CYRIB: variants seen among roughly 807,000 people sequenced by gnomAD.
CYRIB encodes CYFIP-related Rac1 interactor B.
CYRIB carries 8 observed loss-of-function variants against 44.2 expected under a neutral mutation model. That is an observed-to-expected ratio of 0.18 (90% CI 0.11 to 0.33). CYRIB has a LOEUF of 0.33. Among genes scored for constraint, CYRIB ranks in the 10% least tolerant of loss-of-function variants. The pLI is 1.00. For missense variants in CYRIB, 185 were observed against 382.8 expected, an observed-to-expected ratio of 0.48 and a Z score of 4.31; for synonymous variants, 131 against 127.2, an observed-to-expected ratio of 1.03 and a Z score of -0.20.
In CYRIB at chr8:129,927,664, G is replaced by A. The variant is rs549972200; in HGVS notation, c.-50+11944C>T. Among the ~76,000 whole-genome samples, 5 of 152,212 alleles carry A rather than the reference G, an allele frequency of 3.3e-5. No individual in the cohort carries two copies. In the South Asian group the frequency reaches 1.0e-3, roughly 32 times the overall value. ...CCAAAACAGCGACTACCTAGGTGGT[G>A]ATTTTTGCTTTTTTCTTTTACTACT... On this transcript the variant is annotated intron_variant, in intron 1 of 11. Transcript: ENST00000519824.
intron 1 of CYRIB, among the ~76,000 whole-genome samples, chr8:129,905,233 T>TGA (rs1268418267): frequency 6.6e-6 from 1 of 151,826 alleles, no homozygotes; most frequent in African/African-American, 2.4e-5. Context: ...ATTGATTGAT[T>TGA]TTGAGATGGA....
At chr8:129,877,396 C>T (rs2059435722) in intron 3 of CYRIB, among the ~76,000 whole-genome samples, 1 of 152,010 alleles carries the variant, frequency 6.6e-6, no homozygotes, top group African/African-American at 2.4e-5. Flanking sequence ...ACCTGTAATC[C>T]CAGCACTTTG....
At chr8:129,924,396 A>G (rs1043616485) in intron 1 of CYRIB, among the ~76,000 whole-genome samples, 2 of 146,820 alleles carry the variant, frequency 1.4e-5, no homozygotes, top group Admixed American at 7.1e-5. Flanking sequence ...AGATCTGCCT[A>G]TCCCAAAGTT....
At chr8:129,856,446 C>T (rs901686750) in intron 5 of CYRIB, among the ~76,000 whole-genome samples, 3 of 151,976 alleles carry the variant, frequency 2.0e-5, no homozygotes, top group Non-Finnish European at 4.4e-5. Context: ...ATACTAAATA[C>T]TAATATTTCA....
chr8:129,925,924 T>C (rs1299679247), intron 1 of CYRIB, among the ~76,000 whole-genome samples: 1 of 152,208 alleles, frequency 6.6e-6, no homozygotes, highest in Non-Finnish European at 1.5e-5. Flanking sequence ...TTAAAAAACG[T>C]TTCCAATTTC....
intron 1 of CYRIB, among the ~76,000 whole-genome samples, chr8:129,973,861 C>T (rs1464157796): frequency 6.6e-6 from 1 of 152,154 alleles, no homozygotes; most frequent in East Asian, 1.9e-4. Context: ...CCAACTCCCT[C>T]CTTTCTCCCA....
intron 2 of CYRIB, among the ~76,000 whole-genome samples, chr8:129,880,960 C>G (rs545925747): frequency 6.6e-5 from 10 of 152,228 alleles, no homozygotes; most frequent in Middle Eastern, 3.4e-3. Context: ...TCTAAAAAAA[C>G]TTTACCACAC....
At chr8:129,928,969 C>T (rs2089694544) in intron 1 of CYRIB, among the ~76,000 whole-genome samples, 1 of 152,172 alleles carries the variant, frequency 6.6e-6, no homozygotes. Context: ...CATATGTCCA[C>T]ACATATCTGC....
chr8:129,947,951 A>C (rs1023266165), intron 2 of CYRIB: 12 of 152,212 alleles, frequency 7.9e-5, no homozygotes, highest in Admixed American at 3.9e-4. Context: ...AGGTTTCTTC[A>C]ATGTCAATAA....
intron 1 of CYRIB, among the ~76,000 whole-genome samples, chr8:129,977,424 A>C (rs994410892): frequency 2.6e-5 from 4 of 152,290 alleles, no homozygotes; most frequent in Admixed American, 2.6e-4. Flanking sequence ...CAAAAATAAT[A>C]ATGATGTGCA....
chr8:129,880,492 A>T, intron 2 of CYRIB: 1 of 970,934 alleles, frequency 1.0e-6, no homozygotes, highest in Non-Finnish European at 1.2e-6. Context: ...ATTTAGTTCC[A>T]GTAAAAAATT....
chr8:129,855,220 G>A (rs1428861163), intron 6 of CYRIB, among the ~76,000 whole-genome samples: 4 of 151,854 alleles, frequency 2.6e-5, no homozygotes, highest in Non-Finnish European at 5.9e-5. Flanking sequence ...GTGAAACCCC[G>A]TCTCTACTAA....
intron 1 of CYRIB, among the ~76,000 whole-genome samples, chr8:129,928,122 C>CAA (rs763086113): frequency 4.6e-4 from 61 of 133,926 alleles, no homozygotes; most frequent in African/African-American, 1.5e-3. Flanking sequence ...TTCTTAACAG[C>CAA]AAAAAAAAAA....
rs923085841 is a variant in CYRIB, at chr8:129,990,528, A to T, written c.-295-19533T>A. 3.8e-4 allele frequency among the ~76,000 whole-genome samples: 56 copies of T among 149,264 alleles called. 1 individual carries two copies. The highest frequency in any genetic ancestry group is 1.0e-3 in the African/African-American group (42 of 40,386). ...TGTGTGTGTGTGTGTGTGTGTATATATTTTTTTTCTTCCCCAAGACAGGGT... is the reference window on the plus strand; with the variant it reads ...TGTGTGTGTGTGTGTGTGTGTATATTTTTTTTTTCTTCCCCAAGACAGGGT... On this transcript the variant is annotated intron_variant, in intron 1 of 14. Coordinates refer to the CYRIB transcript ENST00000401979.
At chr8:129,967,172 G>T (rs1176114903) in intron 2 of CYRIB, among the ~76,000 whole-genome samples, 2 of 152,110 alleles carry the variant, frequency 1.3e-5, no homozygotes, top group Non-Finnish European at 2.9e-5. Context: ...GTGGTGTTCT[G>T]AAGGTGGCTA....
intron 2 of CYRIB, among the ~76,000 whole-genome samples, chr8:129,885,387 A>G (rs1038442512): frequency 1.3e-5 from 2 of 152,206 alleles, no homozygotes; most frequent in Non-Finnish European, 2.9e-5. Flanking sequence ...GTTTAGTGTC[A>G]GTTTTCCTCA....
chr8:129,995,636 T>C (rs1171411132), intron 1 of CYRIB, among the ~76,000 whole-genome samples: 1 of 152,208 alleles, frequency 6.6e-6, no homozygotes, highest in South Asian at 2.1e-4. Context: ...TCACTGGGGA[T>C]GGCAACTGTC....
chr8:129,866,971 A>G (rs906965506), intron 4 of CYRIB, among the ~76,000 whole-genome samples: 1 of 152,262 alleles, frequency 6.6e-6, no homozygotes, highest in Admixed American at 6.5e-5. Flanking sequence ...AGGTTATTAC[A>G]GAGCAGGTAT....
intron 1 of CYRIB, among the ~76,000 whole-genome samples, chr8:129,921,228 C>A (rs1294183751): frequency 6.6e-6 from 1 of 152,194 alleles, no homozygotes. Context: ...ACTGTTAATG[C>A]TTCTTTTCAG....
Sources: allele counts gnomAD v4.1 joint callset (sites outside exome capture counted in the v4.1 genomes callset), GRCh38; gene constraint gnomAD v4.1.1; transcripts MANE v1.5; gene names NCBI Gene and HGNC (gene_info 2026-07-23, HGNC 2026-07-21).